Variants in ELMOD2 observed in about 807,000 individuals in gnomAD.
ELMOD2 encodes ELMO domain containing 2.
Under a neutral mutation model 41.0 loss-of-function variants are expected in ELMOD2, and 28 were observed. The ratio of observed to expected loss-of-function variants is 0.68; its 90% CI spans 0.51 to 0.94. The LOEUF (loss-of-function observed/expected upper bound fraction) is 0.94. ELMOD2 is among the 40% of genes least tolerant of loss of function. ELMOD2 has a pLI of 0.00. For missense variants in ELMOD2, 333 were observed against 343.1 expected (o/e 0.97, Z 0.23); for synonymous variants, 106 against 107.2 (o/e 0.99, Z 0.07).
chr4:140,524,437 C>A, intron 1 of ELMOD2, 157 bp downstream of exon 1: 1 of 272,036 alleles, frequency 3.7e-6, no homozygotes, highest in Non-Finnish European at 5.6e-6. Flanking sequence ...GCGGGCGGCG[C>A]GCGAGGGGGG....
intron 7 of ELMOD2, 133 bp downstream of exon 7, chr4:140,542,775 A>G (rs1359606358): frequency 4.9e-6 from 3 of 616,402 alleles, no homozygotes; most frequent in Non-Finnish European, 7.6e-6. Flanking sequence ...AGGATATTAC[A>G]TGATACATTA....
intron 6 of ELMOD2, among the ~76,000 whole-genome samples, chr4:140,542,261 A>G (rs1013884163): frequency 2.0e-5 from 3 of 151,784 alleles, no homozygotes; most frequent in African/African-American, 7.2e-5. Flanking sequence ...TTTCATAGAA[A>G]TAGAACCAGC....
chr4:140,533,267 G>A (rs941455580), intron 3 of ELMOD2, among the ~76,000 whole-genome samples: 2 of 152,088 alleles, frequency 1.3e-5, no homozygotes, highest in African/African-American at 4.8e-5. Context: ...AATAGCCCAC[G>A]TAACCTTCTA....
intron 3 of ELMOD2, among the ~76,000 whole-genome samples, chr4:140,530,195 G>C (rs1734701894): frequency 6.6e-6 from 1 of 152,130 alleles, no homozygotes; most frequent in Non-Finnish European, 1.5e-5. Context: ...AACTGCATTT[G>C]TAACAACAGT....
At chr4:140,537,852 C>T (rs997585993) in intron 5 of ELMOD2, among the ~76,000 whole-genome samples, 4 of 150,604 alleles carry the variant, frequency 2.7e-5, no homozygotes, top group Admixed American at 2.0e-4. Context: ...TCTTTTCAAC[C>T]AAAAAGTATA....
At chr4:140,535,668 C>T (rs1734897723) in intron 3 of ELMOD2, 65 bp from the exon 4 acceptor site, 1 of 1,421,854 alleles carries the variant, frequency 7.0e-7, no homozygotes, top group South Asian at 1.2e-5. Context: ...GATTAAATGT[C>T]TCACAACTAT....
At chr4:140,535,133 TTCTTTCTCTC>T (rs1241036462) in intron 3 of ELMOD2, among the ~76,000 whole-genome samples, 3,483 of 74,376 alleles carry the variant, frequency 0.047, 142 homozygotes, top group African/African-American at 0.13. Flanking sequence ...GGAAATCTGT[TTCTTTCTCTC>T]TCTCTCTCTC....
chr4:140,527,437 A>G, intron 2 of ELMOD2, 29 bp from the exon 3 acceptor site: 1 of 1,493,630 alleles, frequency 6.7e-7, no homozygotes, highest in South Asian at 1.2e-5. Flanking sequence ...TTAAGTGATA[A>G]CATCTTTTTT....
intron 3 of ELMOD2, among the ~76,000 whole-genome samples, chr4:140,529,878 C>T (rs373811673): frequency 1.3e-5 from 2 of 152,140 alleles, no homozygotes; most frequent in African/African-American, 4.8e-5. Context: ...CCATCACTAG[C>T]GTACTAAATA....
rs1384589412 is a variant in ELMOD2 at position 140,551,457 on chromosome 4, G to A, written c.*1082G>A. 1 of 151,974 alleles carries A rather than the reference G, an allele frequency of 6.6e-6. No homozygotes were observed. The highest frequency in any genetic ancestry group is 1.9e-4 in the East Asian group (1 of 5,194). The allele number at this position is 151,974 out of a possible 1,614,324, so 9.4% of individuals were successfully genotyped here. ...ATAGCTTGAAGATGACTTGATGACT[G>A]TGCATTTTATATAGTTTTATTCTCC... On this transcript the variant is annotated 3_prime_UTR_variant, in exon 9 of 9. Transcript: ENST00000323570.
At chr4:140,535,631 C>A in intron 3 of ELMOD2, 102 bp from the exon 4 acceptor site, 1 of 1,072,948 alleles carries the variant, frequency 9.3e-7, no homozygotes, top group Non-Finnish European at 1.4e-6. Flanking sequence ...GTTTATTTTG[C>A]ATTTTTAATA....
In ELMOD2 at chr4:140,552,983, C is replaced by T. The variant is rs1735506238; in HGVS notation, c.*2608C>T. 6.6e-6 allele frequency: 1 copy of T among 152,060 alleles called. No homozygotes were observed. Among genetic ancestry groups the T allele is most frequent in the South Asian group, 2.1e-4 (1 of 4,832 alleles). The allele number at this position is 152,060 out of a possible 1,614,324, so 9.4% of individuals were successfully genotyped here. On this transcript the variant is annotated 3_prime_UTR_variant, in exon 9 of 9. Coordinates refer to ENST00000323570, the MANE Select transcript of ELMOD2 (RefSeq NM_153702.4). The stretch of plus-strand genomic sequence containing the variant: ...TATAAAAATCAGTGTCTTACTGGCA[C>T]CATTTACAGTTTAGAAAACAATCTT...
chr4:140,537,145 G>T (rs1479611382), intron 4 of ELMOD2, among the ~76,000 whole-genome samples: 1 of 152,128 alleles, frequency 6.6e-6, no homozygotes, highest in Non-Finnish European at 1.5e-5. Flanking sequence ...GTATAGGATT[G>T]CCCAGAGAAA....
intron 8 of ELMOD2, among the ~76,000 whole-genome samples, chr4:140,547,775 T>C (rs765039015): frequency 5.3e-5 from 8 of 152,172 alleles, no homozygotes; most frequent in Non-Finnish European, 1.0e-4. Context: ...ACCTCTGCAG[T>C]AAATTCATGC....
chr4:140,525,229 C>T, intron 1 of ELMOD2, 191 bp from the exon 2 acceptor site: 1 of 466,094 alleles, frequency 2.1e-6, no homozygotes, highest in Non-Finnish European at 3.6e-6. Context: ...ATTAATTGGC[C>T]ATTTGATCAT....
intron 2 of ELMOD2, chr4:140,526,654 A>T (rs1734573282): frequency 6.6e-6 from 1 of 152,220 alleles, no homozygotes; most frequent in Admixed American, 6.5e-5. Flanking sequence ...ACGCTGCCTC[A>T]TAGCAGCTGG....
rs1269352181 is a variant in ELMOD2 at position 140,527,535 on chromosome 4, T to C, written c.171+41T>C. On this transcript the variant is annotated intron_variant, in intron 3 of 8. Coordinates refer to ENST00000323570, the MANE Select transcript of ELMOD2 (RefSeq NM_153702.4). The stretch of plus-strand genomic sequence containing the variant: ...GGTGGTAACTCTAGAAAACTTAACG[T>C]GGACATATTTTTTCTTAAAAAAAAA... The C allele has an allele frequency of 3.3e-6, 5 of 1,516,252 alleles. No homozygotes were observed. In the African/African-American group the frequency reaches 7.1e-5, roughly 22 times the overall value. The allele number at this position is 1,516,252 out of a possible 1,614,324, so 93.9% of individuals were successfully genotyped here.
chr4:140,542,065 A>G (rs1222910418), intron 6 of ELMOD2, among the ~76,000 whole-genome samples: 1 of 152,100 alleles, frequency 6.6e-6, no homozygotes, highest in Admixed American at 6.5e-5. Context: ...TTATACTGCT[A>G]ATACTTCTGT....
At chr4:140,536,976 G>A (rs1285339355) in intron 4 of ELMOD2, among the ~76,000 whole-genome samples, 1 of 152,112 alleles carries the variant, frequency 6.6e-6, no homozygotes, top group East Asian at 1.9e-4. Flanking sequence ...GGGTAGCGAT[G>A]TCATTAATAG....
Sources: gnomAD v4.1 joint callset for allele counts (sites outside exome capture counted in the v4.1 genomes callset) on GRCh38, gnomAD v4.1.1 for gene constraint, MANE v1.5 for transcripts, NCBI Gene and HGNC (gene_info 2026-07-23, HGNC 2026-07-21) for gene names.